The following SYN3 variants were observed in gnomAD, a reference collection of about 807,000 sequenced individuals.
SYN3 encodes synapsin III, also known as synapsin-3.
SYN3 carries 35 observed loss-of-function variants against 65.8 expected under a neutral mutation model. The observed-to-expected ratio is 0.53, with a 90% CI of 0.41 to 0.70. SYN3 has a LOEUF of 0.70. Ranked by LOEUF, SYN3 falls within the 30% of genes least tolerant of loss-of-function variation. The pLI, the probability that SYN3 is intolerant of heterozygous loss-of-function variation, is 0.00. For synonymous variants in SYN3, 270 were observed against 292.9 expected (o/e 0.92, Z 0.80); for missense variants, 680 against 749.0 (o/e 0.91, Z 1.08).
intron 1 of SYN3, among the ~76,000 whole-genome samples, chr22:33,035,018 C>T (rs1411602185): frequency 6.6e-6 from 1 of 152,114 alleles, no homozygotes; most frequent in African/African-American, 2.4e-5. Flanking sequence ...TCAGAAAATT[C>T]CATAAACAGC....
chr22:32,928,444 CA>C (rs2050538678), intron 4 of SYN3, among the ~76,000 whole-genome samples: 1 of 152,214 alleles, frequency 6.6e-6, no homozygotes, highest in African/African-American at 2.4e-5. Flanking sequence ...TACAGTTGGG[CA>C]AAATCTTTGA....
chr22:32,585,938 G>GTATATA (rs1569064948), intron 7 of SYN3, among the ~76,000 whole-genome samples: 330 of 32,414 alleles, frequency 0.01, 1 homozygote, highest in Middle Eastern at 0.035. Context: ...ATACGTATAT[G>GTATATA]TGTATGTATA....
At chr22:32,963,599 GAACTTGA>G (rs912075258) in intron 3 of SYN3, among the ~76,000 whole-genome samples, 15 of 152,136 alleles carry the variant, frequency 9.9e-5, no homozygotes, top group African/African-American at 3.6e-4. Context: ...CCAACATGCA[GAACTTGA>G]GGGAAAGCCA....
chr22:32,885,272 A>T (rs990826681), intron 4 of SYN3, among the ~76,000 whole-genome samples: 1 of 152,216 alleles, frequency 6.6e-6, no homozygotes, highest in Non-Finnish European at 1.5e-5. Context: ...GCATGAGCTC[A>T]TATCACTGAG....
chr22:32,700,609 C>T (rs540413407), intron 6 of SYN3, among the ~76,000 whole-genome samples: 4 of 152,314 alleles, frequency 2.6e-5, no homozygotes, highest in African/African-American at 7.2e-5. Flanking sequence ...GCACCGGTCA[C>T]GTGCCAACCA....
At chr22:32,612,453 A>G (rs1285172300) in intron 6 of SYN3, among the ~76,000 whole-genome samples, 1 of 152,210 alleles carries the variant, frequency 6.6e-6, no homozygotes, top group African/African-American at 2.4e-5. Context: ...AGAGAACTGG[A>G]TAATCACTTG....
intron 1 of SYN3, among the ~76,000 whole-genome samples, chr22:33,008,604 C>T (rs1415419293): frequency 6.6e-6 from 1 of 152,088 alleles, no homozygotes; most frequent in Admixed American, 6.5e-5. Flanking sequence ...CAAATTGCTA[C>T]TCCATTCTCC....
intron 6 of SYN3, among the ~76,000 whole-genome samples, chr22:32,646,706 G>A (rs2059988971): frequency 1.3e-5 from 2 of 152,182 alleles, no homozygotes; most frequent in Non-Finnish European, 2.9e-5. Flanking sequence ...TTTGAGTCAA[G>A]GATTGAGGCA....
At chr22:32,716,161 G>A (rs1005523529) in intron 6 of SYN3, among the ~76,000 whole-genome samples, 4 of 152,142 alleles carry the variant, frequency 2.6e-5, no homozygotes, top group African/African-American at 7.2e-5. Context: ...TTCCTTCAGC[G>A]TTTTCCCTGA....
intron 7 of SYN3, among the ~76,000 whole-genome samples, chr22:32,569,529 A>G (rs2058724175): frequency 9.1e-6 from 1 of 109,454 alleles, no homozygotes; most frequent in Admixed American, 1.0e-4. Flanking sequence ...TCTATCTAAA[A>G]TCAATCAATC....
chr22:33,030,307 C>T (rs1330469855), intron 1 of SYN3, among the ~76,000 whole-genome samples: 3 of 152,194 alleles, frequency 2.0e-5, no homozygotes, highest in Admixed American at 6.5e-5. Context: ...AGGGGACCTT[C>T]TGGATGCCTT....
intron 6 of SYN3, among the ~76,000 whole-genome samples, chr22:32,755,692 G>T (rs73408922): frequency 6.6e-6 from 1 of 152,132 alleles, no homozygotes; most frequent in Admixed American, 6.5e-5. Flanking sequence ...AGAACACTTT[G>T]TCATTCTGTT....
chr22:32,834,806 G>A (rs9621575), intron 6 of SYN3, among the ~76,000 whole-genome samples: 14,528 of 152,218 alleles, frequency 0.095, 758 homozygotes, highest in African/African-American at 0.14. Flanking sequence ...GGCACCTGGA[G>A]AGGGGTCTGC....
intron 2 of SYN3, among the ~76,000 whole-genome samples, chr22:33,002,612 A>G (rs2053090485): frequency 2.0e-5 from 3 of 152,260 alleles, no homozygotes; most frequent in African/African-American, 7.2e-5. Context: ...CCACTGCACT[A>G]CAGCCTGGGC....
chr22:32,972,571 G>A (rs985373616), intron 3 of SYN3, among the ~76,000 whole-genome samples: 1 of 152,168 alleles, frequency 6.6e-6, no homozygotes, highest in African/African-American at 2.4e-5. Context: ...ACCAATGGGA[G>A]GCATTCATGC....
chr22:32,712,615 G>A (rs535549623), intron 6 of SYN3, among the ~76,000 whole-genome samples: 1 of 152,246 alleles, frequency 6.6e-6, no homozygotes, highest in African/African-American at 2.4e-5. Context: ...AAACTCTGTT[G>A]TGGCATTTCT....
intron 13 of SYN3, among the ~76,000 whole-genome samples, chr22:32,515,554 G>A (rs866845618): frequency 1.3e-4 from 20 of 152,186 alleles, no homozygotes; most frequent in African/African-American, 4.8e-4. Context: ...AGGGCCATTT[G>A]CTAGTGTCTG....
At chr22:32,788,272 T>C (rs188067612) in intron 6 of SYN3, among the ~76,000 whole-genome samples, 1 of 152,216 alleles carries the variant, frequency 6.6e-6, no homozygotes, top group Admixed American at 6.5e-5. Context: ...CTGGGCGTGG[T>C]GGTTCACGCC....
At chr22:32,647,040 A>G (rs1175151145) in intron 6 of SYN3, among the ~76,000 whole-genome samples, 1 of 152,212 alleles carries the variant, frequency 6.6e-6, no homozygotes, top group East Asian at 1.9e-4. Context: ...GCTTGAATAC[A>G]GGTCTGTGTG....
Sources: allele counts gnomAD v4.1 joint callset (sites outside exome capture counted in the v4.1 genomes callset), GRCh38; gene constraint gnomAD v4.1.1; transcripts MANE v1.5; gene names NCBI Gene and HGNC (gene_info 2026-07-23, HGNC 2026-07-21).